The following MT1H variants were observed in gnomAD, a reference collection of about 807,000 sequenced individuals.
MT1H encodes metallothionein 1H.
A neutral mutation model predicts 8.7 loss-of-function variants in MT1H; 8 were observed. The observed-to-expected ratio is 0.92, with a 90% CI of 0.54 to 1.66. MT1H has a LOEUF of 1.66. MT1H is among the 40% of genes most tolerant of loss of function. The pLI is 0.00. For synonymous variants in MT1H, 32 were observed against 28.9 expected, an observed-to-expected ratio of 1.11 and a Z score of -0.34; for missense variants, 84 against 75.2, an observed-to-expected ratio of 1.12 and a Z score of -0.43.
In MT1H at chr16:56,670,901, G is replaced by T; in HGVS notation, c.98G>T (p.Cys33Phe). Residue 33 changes from cysteine to phenylalanine, a missense_variant, in exon 3 of 3, where the codon TGC becomes TTC. By Grantham distance (205) the Cys-to-Phe change is radical. Coordinates refer to ENST00000332374, the MANE Select transcript of MT1H (RefSeq NM_005951.2). The stretch of plus-strand genomic sequence containing the variant: ...TTCTCTCTCCCTTTTTCCCCAGGCT[G>T]CTGCTCCTGTTGCCCCCTGGGCTGT... ...KCKCTSCKKSCCSCCPLGCAK... is the reference protein window; with the variant it reads ...KCKCTSCKKSFCSCCPLGCAK... 1 of 1,613,946 alleles carries T rather than the reference G, an allele frequency of 6.2e-7. No individual in the cohort carries two copies. The highest frequency in any genetic ancestry group is 8.5e-7 in the Non-Finnish European group (1 of 1,179,950).
In MT1H at chr16:56,671,027, A is replaced by G; in HGVS notation, c.*38A>G. The G allele has an allele frequency of 2.5e-6, 4 of 1,592,474 alleles. No homozygotes were observed. Among genetic ancestry groups the G allele is most frequent in the Non-Finnish European group, 3.4e-6 (4 of 1,173,692 alleles). On this transcript the variant is annotated 3_prime_UTR_variant, in exon 3 of 3. Coordinates refer to ENST00000332374, the MANE Select transcript of MT1H (RefSeq NM_005951.2). ...CCTGCTGTCAGATGAAAACAGAATG[A>G]CACGTAAAATCCAGGATTTTTTTTT...
At chr16:56,670,711 T>G in intron 2 of MT1H, 140 bp downstream of exon 2, 2 of 1,543,064 alleles carry the variant, frequency 1.3e-6, no homozygotes, top group Non-Finnish European at 8.9e-7. Context: ...CCAGGGCTCC[T>G]GTGGGGCTGG....
chr16:56,670,322 C>A (rs537062806), intron 1 of MT1H, among the ~76,000 whole-genome samples, 184 bp from the exon 2 acceptor site: 7 of 152,110 alleles, frequency 4.6e-5, no homozygotes, highest in Admixed American at 4.6e-4. Flanking sequence ...GGAATACAAA[C>A]GGAGGGTGCT....
In MT1H at chr16:56,669,865, C is replaced by T. The variant is rs1269225886; in HGVS notation, c.-20C>T. 1.2e-6 allele frequency: 2 copies of T among 1,614,122 alleles called. No homozygotes were observed. Among genetic ancestry groups the T allele is most frequent in the East Asian group, 2.2e-5 (1 of 44,880 alleles). On this transcript the variant is annotated 5_prime_UTR_variant, in exon 1 of 3. Transcript: ENST00000332374. ...CTCTTCTCTTCTCGCTTGGGAACTCCAGTCTCACCTCGGCTTGCAATGGAC... is the reference window on the plus strand; with the variant it reads ...CTCTTCTCTTCTCGCTTGGGAACTCTAGTCTCACCTCGGCTTGCAATGGAC...
intron 1 of MT1H, among the ~76,000 whole-genome samples, chr16:56,670,281 G>A (rs1295182980): frequency 2.0e-5 from 3 of 152,202 alleles, no homozygotes; most frequent in Non-Finnish European, 2.9e-5. Context: ...CAGTCTTCCC[G>A]GGCTGTGCCT....
Position 56,670,454 on chromosome 16 carries a change from T to C in MT1H, c.29-52T>C, listed in dbSNP as rs1450147564. 6.8e-6 allele frequency: 11 copies of C among 1,613,686 alleles called. No homozygotes were observed. The South Asian group carries it at 9.9e-5, about 14-fold the overall frequency. On this transcript the variant is annotated intron_variant, in intron 1 of 2. Coordinates refer to ENST00000332374, the MANE Select transcript of MT1H (RefSeq NM_005951.2). ...AAGTGGACACTCATTGACCCACTGC[T>C]GTAACTTCTGCATCTCACTCACAAC... is the stretch of plus-strand genomic sequence containing the variant.
chr16:56,670,740 ACTCAC>A, intron 2 of MT1H, 153 bp from the exon 3 acceptor site: 1 of 1,490,092 alleles, frequency 6.7e-7, no homozygotes, highest in Non-Finnish European at 9.3e-7. Flanking sequence ...TCATAGGAAG[ACTCAC>A]CCCAATATCC....
chr16:56,670,857 T>C (rs749093517), intron 2 of MT1H, 41 bp from the exon 3 acceptor site: 4 of 1,612,022 alleles, frequency 2.5e-6, no homozygotes, highest in Non-Finnish European at 3.4e-6. Context: ...GGGAGCTCCC[T>C]GGTCAAGTCT....
Position 56,669,861 on chromosome 16 carries a change from A to G in MT1H, c.-24A>G, listed in dbSNP as rs767382625. Reference sequence around the variant, plus strand: ...CTGCCTCTTCTCTTCTCGCTTGGGAACTCCAGTCTCACCTCGGCTTGCAAT... The same window carrying G: ...CTGCCTCTTCTCTTCTCGCTTGGGAGCTCCAGTCTCACCTCGGCTTGCAAT... On this transcript the variant is annotated 5_prime_UTR_variant, in exon 1 of 3. Coordinates refer to ENST00000332374, the MANE Select transcript of MT1H (RefSeq NM_005951.2). The G allele has an allele frequency of 2.5e-6, 4 of 1,612,080 alleles. No homozygotes were observed. In the South Asian group the frequency reaches 4.4e-5, roughly 18 times the overall value.
rs1960868114 is a variant in MT1H at position 56,671,082 on chromosome 16, C to T, written c.*93C>T. 1 of 1,457,234 alleles carries T rather than the reference C, an allele frequency of 6.9e-7. No homozygotes were observed. Among genetic ancestry groups the T allele is most frequent in the Non-Finnish European group, 9.3e-7 (1 of 1,078,072 alleles). 90.3% of individuals were successfully genotyped at this position (1,457,234 alleles called of 1,614,324 possible). ...CAACTCCGACTCATTTGCTACATTC[C>T]TTTTTTTCTGTGAAATATGTGAATA... On this transcript the variant is annotated 3_prime_UTR_variant, in exon 3 of 3. Coordinates refer to ENST00000332374, the MANE Select transcript of MT1H (RefSeq NM_005951.2).
At chr16:56,670,245 G>A (rs750650065) in intron 1 of MT1H, among the ~76,000 whole-genome samples, 1 of 152,188 alleles carries the variant, frequency 6.6e-6, no homozygotes, top group Non-Finnish European at 1.5e-5. Flanking sequence ...TGCCTCTTCA[G>A]GGTTCAGCAC....
chr16:56,669,921 C>G lies in MT1H; in HGVS notation c.28+9C>G, dbSNP rs199710867. 4 of 1,613,016 alleles carry G rather than the reference C, an allele frequency of 2.5e-6. No individual in the cohort carries two copies. In the African/African-American group the frequency reaches 4.0e-5, roughly 16 times the overall value. On this transcript the variant is annotated intron_variant, in intron 1 of 2. Coordinates refer to ENST00000332374, the MANE Select transcript of MT1H (RefSeq NM_005951.2). ...CTGCTCCTGCGAGGCTGGTAAGGAA[C>G]GCCCGGGTTCTGTGCCTTAGGATGC...
chr16:56,669,876 C>T lies in MT1H; in HGVS notation c.-9C>T, dbSNP rs780129240. 4 of 1,614,056 alleles carry T rather than the reference C, an allele frequency of 2.5e-6. No individual in the cohort carries two copies. Among genetic ancestry groups the T allele is most frequent in the South Asian group, 1.1e-5 (1 of 91,086 alleles). Reference sequence around the variant, plus strand: ...TCGCTTGGGAACTCCAGTCTCACCTCGGCTTGCAATGGACCCCAACTGCTC... The same window carrying T: ...TCGCTTGGGAACTCCAGTCTCACCTTGGCTTGCAATGGACCCCAACTGCTC... On this transcript the variant is annotated 5_prime_UTR_variant, in exon 1 of 3. Transcript: ENST00000332374.
At chr16:56,670,440 C>A in intron 1 of MT1H, 66 bp from the exon 2 acceptor site, 5 of 1,608,804 alleles carry the variant, frequency 3.1e-6, no homozygotes, top group Middle Eastern at 1.7e-4. Flanking sequence ...AGTGGACACT[C>A]ATTGACCCAC....
chr16:56,670,880 C>G lies in MT1H; in HGVS notation c.95-18C>G. On this transcript the variant is annotated intron_variant, in intron 2 of 2. Transcript: ENST00000332374. ...CCTGGTCAAGTCTGCTGTGACTTCT[C>G]TCTCCCTTTTTCCCCAGGCTGCTGC... 1.2e-6 allele frequency: 2 copies of G among 1,613,710 alleles called. No individual in the cohort carries two copies. Among genetic ancestry groups the G allele is most frequent in the South Asian group, 1.1e-5 (1 of 91,040 alleles).
At chr16:56,670,820 G>C in intron 2 of MT1H, 78 bp from the exon 3 acceptor site, 1 of 1,593,716 alleles carries the variant, frequency 6.3e-7, no homozygotes, top group Non-Finnish European at 8.6e-7. Context: ...TGGAGTCTGA[G>C]CTTGAGCCAG....
Position 56,671,015 on chromosome 16 carries a change from G to T in MT1H, c.*26G>T, listed in dbSNP as rs1263191077. Reference sequence around the variant, plus strand: ...TGTCGGGACAGCCCTGCTGTCAGATGAAAACAGAATGACACGTAAAATCCA... The same window carrying T: ...TGTCGGGACAGCCCTGCTGTCAGATTAAAACAGAATGACACGTAAAATCCA... On this transcript the variant is annotated 3_prime_UTR_variant, in exon 3 of 3. Transcript: ENST00000332374. 2.5e-6 allele frequency: 4 copies of T among 1,605,454 alleles called. No individual in the cohort carries two copies. The highest frequency in any genetic ancestry group is 3.4e-6 in the Non-Finnish European group (4 of 1,177,770).
chr16:56,670,873 G>A, intron 2 of MT1H, 25 bp from the exon 3 acceptor site: 2 of 1,613,624 alleles, frequency 1.2e-6, no homozygotes, highest in Non-Finnish European at 1.7e-6. Flanking sequence ...AGTCTGCTGT[G>A]ACTTCTCTCT....
At chr16:56,670,592 A>G in intron 2 of MT1H, 21 bp downstream of exon 2, 2 of 1,614,222 alleles carry the variant, frequency 1.2e-6, no homozygotes, top group Non-Finnish European at 8.5e-7. Context: ...GGCCATCTCC[A>G]GGAATCTGGG....
Sources: allele counts gnomAD v4.1 joint callset (sites outside exome capture counted in the v4.1 genomes callset), GRCh38; gene constraint gnomAD v4.1.1; transcripts MANE v1.5; gene names NCBI Gene and HGNC (gene_info 2026-07-23, HGNC 2026-07-21).